DNAJC1: variants seen among roughly 807,000 people sequenced by gnomAD.
DNAJC1 encodes DnaJ heat shock protein family (Hsp40) member C1, also known as dnaJ homolog subfamily C member 1.
Under a neutral mutation model 76.6 loss-of-function variants are expected in DNAJC1, and 58 were observed. That is an observed-to-expected ratio of 0.76 (90% CI 0.61 to 0.94). The LOEUF (loss-of-function observed/expected upper bound fraction) is 0.94, where lower values mean the gene tolerates loss of function less well. Ranked by LOEUF, DNAJC1 falls within the 40% of genes least tolerant of loss-of-function variation. The pLI, the probability that DNAJC1 is intolerant of heterozygous loss-of-function variation, is 0.00. For missense variants in DNAJC1, 689 were observed against 677.3 expected, an observed-to-expected ratio of 1.02 and a Z score of -0.19; for synonymous variants, 258 against 267.9, an observed-to-expected ratio of 0.96 and a Z score of 0.36.
chr10:21,912,433 T>C (rs1236022610), intron 6 of DNAJC1, among the ~76,000 whole-genome samples: 2 of 152,294 alleles, frequency 1.3e-5, no homozygotes, highest in Non-Finnish European at 2.9e-5. Context: ...TCTGAGTACT[T>C]GCATAAGATG....
intron 9 of DNAJC1, among the ~76,000 whole-genome samples, chr10:21,805,186 C>A (rs1443767185): frequency 2.0e-5 from 3 of 151,886 alleles, no homozygotes; most frequent in Non-Finnish European, 4.4e-5. Context: ...ATTTTTGGAT[C>A]TATAGGATTT....
intron 1 of DNAJC1, among the ~76,000 whole-genome samples, chr10:21,949,384 CCTT>C (rs1837555077): frequency 7.8e-6 from 1 of 128,824 alleles, no homozygotes; most frequent in African/African-American, 2.8e-5. Context: ...GCTCCCTTGC[CCTT>C]CCCCCTCCCC....
intron 8 of DNAJC1, among the ~76,000 whole-genome samples, chr10:21,823,173 C>A (rs771629638): frequency 5.3e-5 from 8 of 151,978 alleles, no homozygotes; most frequent in Non-Finnish European, 7.4e-5. Flanking sequence ...AAATCACAAG[C>A]GAAATCTATT....
At chr10:21,797,467 T>C (rs1453243153) in intron 9 of DNAJC1, among the ~76,000 whole-genome samples, 2 of 152,252 alleles carry the variant, frequency 1.3e-5, no homozygotes, top group Non-Finnish European at 2.9e-5. Flanking sequence ...GGATTGGTTT[T>C]TCTAGTTCTG....
intron 8 of DNAJC1, among the ~76,000 whole-genome samples, chr10:21,881,543 G>C (rs963197637): frequency 6.6e-6 from 1 of 152,084 alleles, no homozygotes; most frequent in Non-Finnish European, 1.5e-5. Flanking sequence ...AGGGAGACCA[G>C]AGGAGACGGA....
chr10:21,838,209 G>A (rs549326387), intron 8 of DNAJC1, among the ~76,000 whole-genome samples: 10 of 152,360 alleles, frequency 6.6e-5, no homozygotes, highest in African/African-American at 2.4e-4. Flanking sequence ...AAAAGATAGA[G>A]AAATCAGATT....
intron 8 of DNAJC1, among the ~76,000 whole-genome samples, chr10:21,845,502 G>A (rs138413633): frequency 0.028 from 4,317 of 151,854 alleles, 95 homozygotes; most frequent in Middle Eastern, 0.065. Context: ...CTATAGGTGT[G>A]TGCCACCATG....
chr10:21,834,992 C>A (rs1012093621), intron 8 of DNAJC1, among the ~76,000 whole-genome samples: 2 of 152,218 alleles, frequency 1.3e-5, no homozygotes, highest in Non-Finnish European at 2.9e-5. Context: ...GTTCTCCCAG[C>A]ACGCAGCTTG....
chr10:21,808,339 TTTAA>T (rs1297507771), intron 8 of DNAJC1, among the ~76,000 whole-genome samples: 2 of 152,148 alleles, frequency 1.3e-5, no homozygotes, highest in Non-Finnish European at 2.9e-5. Context: ...CAAATCTGAT[TTTAA>T]TTAGATTAAT....
chr10:21,941,722 G>T (rs1444142920), intron 1 of DNAJC1, among the ~76,000 whole-genome samples: 1 of 152,054 alleles, frequency 6.6e-6, no homozygotes, highest in Non-Finnish European at 1.5e-5. Context: ...TAATATATGT[G>T]TCTGTAGGTA....
intron 6 of DNAJC1, among the ~76,000 whole-genome samples, chr10:21,916,313 C>A (rs1836955231): frequency 6.6e-6 from 1 of 152,056 alleles, no homozygotes; most frequent in Admixed American, 6.6e-5. Flanking sequence ...CACGGTGAAA[C>A]CCCGTCTCTA....
chr10:21,965,026 T>C (rs1564840055), intron 1 of DNAJC1, among the ~76,000 whole-genome samples: 1 of 152,164 alleles, frequency 6.6e-6, no homozygotes, highest in Non-Finnish European at 1.5e-5. Context: ...TGTATAACAA[T>C]TCTCAAAAAT....
intron 1 of DNAJC1, among the ~76,000 whole-genome samples, chr10:22,000,250 C>A (rs935044504): frequency 2.0e-5 from 3 of 152,196 alleles, no homozygotes; most frequent in Non-Finnish European, 2.9e-5. Flanking sequence ...CCAATCTATA[C>A]CACAATTATC....
chr10:21,970,944 A>G (rs1383809025), intron 1 of DNAJC1, among the ~76,000 whole-genome samples: 1 of 151,926 alleles, frequency 6.6e-6, no homozygotes, highest in Non-Finnish European at 1.5e-5. Context: ...AATACTGCAT[A>G]TATTTAAGTT....
chr10:21,857,793 T>A (rs1413091923), intron 8 of DNAJC1, among the ~76,000 whole-genome samples: 1 of 152,058 alleles, frequency 6.6e-6, no homozygotes, highest in East Asian at 1.9e-4. Context: ...GAGGTGGAGA[T>A]TGCAGTGAGC....
At chr10:21,798,031 T>C (rs1043201074) in intron 9 of DNAJC1, among the ~76,000 whole-genome samples, 1 of 152,244 alleles carries the variant, frequency 6.6e-6, no homozygotes, top group African/African-American at 2.4e-5. Flanking sequence ...ACATAGCTTT[T>C]TAACAAAAGC....
intron 8 of DNAJC1, among the ~76,000 whole-genome samples, chr10:21,829,499 A>T (rs1288880046): frequency 6.6e-6 from 1 of 152,174 alleles, no homozygotes. Flanking sequence ...TACAGGCATG[A>T]GCCAATGCGC....
At chr10:21,993,682 G>A (rs74122713) in intron 1 of DNAJC1, among the ~76,000 whole-genome samples, 7 of 152,012 alleles carry the variant, frequency 4.6e-5, no homozygotes, top group African/African-American at 1.7e-4. Context: ...TTCTTCCTCA[G>A]TGGTATTCTC....
At chr10:21,850,954 A>T (rs1046437807) in intron 8 of DNAJC1, among the ~76,000 whole-genome samples, 1 of 152,196 alleles carries the variant, frequency 6.6e-6, no homozygotes, top group Admixed American at 6.5e-5. Context: ...TAGTCCTGAG[A>T]CTATACATAC....
Sources: gnomAD v4.1 joint callset for allele counts (sites outside exome capture counted in the v4.1 genomes callset) on GRCh38, gnomAD v4.1.1 for gene constraint, MANE v1.5 for transcripts, NCBI Gene and HGNC (gene_info 2026-07-23, HGNC 2026-07-21) for gene names.